Variants in FSIP1 observed in about 807,000 individuals in gnomAD.
FSIP1 encodes fibrous sheath interacting protein 1.
A neutral mutation model predicts 60.9 loss-of-function variants in FSIP1; 65 were observed. The observed-to-expected ratio is 1.07, with a 90% confidence interval of 0.87 to 1.31. FSIP1 has a LOEUF of 1.31. FSIP1 is among the 40% of genes most tolerant of loss of function. The pLI is 0.00. For synonymous variants in FSIP1, 209 were observed against 221.2 expected, an observed-to-expected ratio of 0.94 and a Z score of 0.49; for missense variants, 675 against 665.5, an observed-to-expected ratio of 1.01 and a Z score of -0.16.
chr15:39,679,022 G>A (rs1396403892), intron 10 of FSIP1, among the ~76,000 whole-genome samples: 2 of 151,764 alleles, frequency 1.3e-5, no homozygotes, highest in Admixed American at 6.6e-5. Context: ...ATCTTGTCTG[G>A]GTGTTCAGCT....
chr15:39,688,050 T>C (rs1306873489), intron 10 of FSIP1, among the ~76,000 whole-genome samples: 2 of 152,158 alleles, frequency 1.3e-5, no homozygotes, highest in African/African-American at 4.8e-5. Context: ...ACTATATTGG[T>C]AGGAAGCTAC....
chr15:39,763,715 A>G (rs1196915838), intron 5 of FSIP1, 106 bp downstream of exon 5: 5 of 667,388 alleles, frequency 7.5e-6, no homozygotes, highest in Non-Finnish European at 1.4e-5. Context: ...GAACAGTCAA[A>G]CTCACAAAGA....
intron 11 of FSIP1, among the ~76,000 whole-genome samples, chr15:39,601,211 T>G (rs1890628155): frequency 6.6e-6 from 1 of 152,230 alleles, no homozygotes; most frequent in Non-Finnish European, 1.5e-5. Flanking sequence ...GAAGTTAATA[T>G]TTTGCTTTCT....
At chr15:39,681,254 T>C (rs539818947) in intron 10 of FSIP1, among the ~76,000 whole-genome samples, 1 of 152,338 alleles carries the variant, frequency 6.6e-6, no homozygotes, top group African/African-American at 2.4e-5. Context: ...TGCCATAAAG[T>C]TATACACCAA....
rs1566908253 is a variant in FSIP1, at chr15:39,738,155, T to G, written c.827A>C (p.Lys276Thr). ...CTTCAAAAGCTCAACCAGCCTTTTC[T>G]TCTCTCTGTCAACCATAACCACTGG... is the stretch of plus-strand genomic sequence containing the variant. ...RNPVVMVDRE[K>T]KRLVELLKDL... is the part of the protein sequence containing the mutation. The change falls in exon 8 of 12, where the codon AAG becomes ACG. Residue 276 changes from lysine to threonine, a missense_variant. By Grantham distance (78) the Lys-to-Thr change is moderately conservative. Coordinates refer to ENST00000350221, the MANE Select transcript of FSIP1 (RefSeq NM_152597.5). The G allele has an allele frequency of 6.2e-7, 1 of 1,613,590 alleles. No individual in the cohort carries two copies. Among genetic ancestry groups the G allele is most frequent in the East Asian group, 2.2e-5 (1 of 44,864 alleles).
intron 4 of FSIP1, among the ~76,000 whole-genome samples, chr15:39,765,026 C>A (rs1307645590): frequency 6.6e-6 from 1 of 152,138 alleles, no homozygotes; most frequent in Non-Finnish European, 1.5e-5. Flanking sequence ...CTGGGCCTGT[C>A]CCTGGGGAGA....
chr15:39,683,456 G>C (rs761820331), intron 10 of FSIP1, among the ~76,000 whole-genome samples: 7 of 151,776 alleles, frequency 4.6e-5, no homozygotes, highest in African/African-American at 1.7e-4. Flanking sequence ...TAACACCTAC[G>C]TCTAACATAA....
intron 10 of FSIP1, among the ~76,000 whole-genome samples, chr15:39,702,882 C>A (rs1397256240): frequency 6.6e-6 from 1 of 151,864 alleles, no homozygotes; most frequent in Middle Eastern, 3.4e-3. Flanking sequence ...TATGTTAAAA[C>A]CTAACTAGTC....
intron 5 of FSIP1, among the ~76,000 whole-genome samples, chr15:39,760,278 T>C (rs1897449722): frequency 6.6e-6 from 1 of 152,152 alleles, no homozygotes; most frequent in African/African-American, 2.4e-5. Context: ...GATCTACTGA[T>C]TGATGCTGAA....
intron 3 of FSIP1, among the ~76,000 whole-genome samples, chr15:39,766,165 G>A (rs1347567776): frequency 2.0e-5 from 3 of 152,162 alleles, no homozygotes; most frequent in East Asian, 1.9e-4. Flanking sequence ...AAGAGAAGGC[G>A]TGTACACAAA....
At chr15:39,710,352 A>T (rs1310295870) in intron 10 of FSIP1, among the ~76,000 whole-genome samples, 4 of 151,498 alleles carry the variant, frequency 2.6e-5, no homozygotes, top group Non-Finnish European at 4.4e-5. Flanking sequence ...TCATGGTGGC[A>T]CACACCTGTA....
At chr15:39,605,604 T>C (rs1430993922) in intron 11 of FSIP1, among the ~76,000 whole-genome samples, 2 of 152,166 alleles carry the variant, frequency 1.3e-5, no homozygotes, top group Non-Finnish European at 2.9e-5. Context: ...GCCCATGAAG[T>C]AGAGAGGGCT....
At chr15:39,693,751 C>T (rs534191472) in intron 10 of FSIP1, among the ~76,000 whole-genome samples, 3 of 152,164 alleles carry the variant, frequency 2.0e-5, no homozygotes, top group East Asian at 3.9e-4. Context: ...GTGATAGAGG[C>T]TGTGTGTGTT....
At position 39,718,437 on chromosome 15, in the gene FSIP1, T is replaced by G. The variant is rs537704862; in HGVS notation, c.1051-4856A>C. ...TTTAATCTTATTTTTCTTATTTTTTTGTAGTTCCTGAATTTCCTACAATAA... is the reference window on the plus strand; with the variant it reads ...TTTAATCTTATTTTTCTTATTTTTTGGTAGTTCCTGAATTTCCTACAATAA... On this transcript the variant is annotated intron_variant, in intron 9 of 11. Coordinates refer to ENST00000350221, the MANE Select transcript of FSIP1 (RefSeq NM_152597.5). Among the ~76,000 whole-genome samples, 115 of 152,194 alleles carry G rather than the reference T, an allele frequency of 7.6e-4. No homozygotes were observed. In the Middle Eastern group the frequency reaches 0.014, roughly 18 times the overall value.
chr15:39,705,466 A>T (rs1895223723), intron 10 of FSIP1, among the ~76,000 whole-genome samples: 1 of 152,186 alleles, frequency 6.6e-6, no homozygotes, highest in African/African-American at 2.4e-5. Context: ...ATCTTTAAAT[A>T]AGAGAATGAT....
intron 11 of FSIP1, among the ~76,000 whole-genome samples, chr15:39,603,249 C>T (rs1318305425): frequency 6.6e-6 from 1 of 152,184 alleles, no homozygotes; most frequent in Admixed American, 6.5e-5. Context: ...GAATGAATAG[C>T]ATGGAGCCTT....
intron 11 of FSIP1, among the ~76,000 whole-genome samples, chr15:39,603,357 C>T (rs1185961594): frequency 6.6e-6 from 1 of 152,184 alleles, no homozygotes; most frequent in Non-Finnish European, 1.5e-5. Flanking sequence ...TAGAAATTGA[C>T]TTAATTCATC....
Position 39,713,536 on chromosome 15 carries a change from C to G in FSIP1, c.1096G>C (p.Glu366Gln), listed in dbSNP as rs369939222. 18 of 1,607,512 alleles carry G rather than the reference C, an allele frequency of 1.1e-5. No homozygotes were observed. The African/African-American group carries it at 2.3e-4, about 20-fold the overall frequency. ...GERNMEVTPG[E>Q]KILRNTKEQR... Reference sequence around the variant, plus strand: ...TCTTTGGTGTTCCTAAGTATCTTTTCTCCTGGAGTTACTTCCATATTTCTT... The same window carrying G: ...TCTTTGGTGTTCCTAAGTATCTTTTGTCCTGGAGTTACTTCCATATTTCTT... The change falls in exon 10 of 12, where the codon GAA (glutamate) becomes CAA (glutamine). Residue 366 changes from glutamate to glutamine, a missense_variant. By Grantham distance (29) the Glu-to-Gln change is conservative (BLOSUM62 2). Coordinates refer to ENST00000350221, the MANE Select transcript of FSIP1 (RefSeq NM_152597.5).
chr15:39,602,270 C>T (rs1163686246), intron 11 of FSIP1: 12 of 453,578 alleles, frequency 2.6e-5, no homozygotes, highest in Non-Finnish European at 4.4e-5. Context: ...ACTGGAGTGA[C>T]GTGGCCACAA....
Sources: allele counts gnomAD v4.1 joint callset (sites outside exome capture counted in the v4.1 genomes callset), GRCh38; gene constraint gnomAD v4.1.1; transcripts MANE v1.5; gene names NCBI Gene and HGNC (gene_info 2026-07-23, HGNC 2026-07-21).